The following CSMD3 variants were observed in gnomAD, a reference collection of about 807,000 sequenced individuals.
The protein encoded by CSMD3 is CUB and sushi domain-containing protein 3.
CSMD3 carries 177 observed loss-of-function variants against 435.2 expected under a neutral mutation model. The ratio of observed to expected loss-of-function variants is 0.41; its 90% CI spans 0.36 to 0.46. The LOEUF is 0.46. Among genes scored for constraint, CSMD3 ranks in the 20% least tolerant of loss-of-function variants. The probability of loss-of-function intolerance (pLI) is 0.34; values close to 1 mark genes in which losing one functional copy is unlikely to be tolerated. For missense variants in CSMD3, 4,265 were observed against 4,504.6 expected, an observed-to-expected ratio of 0.95 and a Z score of 1.52; for synonymous variants, 1,656 against 1,520.5, an observed-to-expected ratio of 1.09 and a Z score of -2.07.
chr8:112,459,501 T>C (rs936447467), intron 32 of CSMD3, among the ~76,000 whole-genome samples: 7 of 152,066 alleles, frequency 4.6e-5, no homozygotes, highest in African/African-American at 2.4e-5. Flanking sequence ...ATTTTAGAGA[T>C]TGGAAAAGTG....
intron 1 of CSMD3, among the ~76,000 whole-genome samples, chr8:113,367,092 C>G (rs961320617): frequency 1.3e-5 from 2 of 151,768 alleles, no homozygotes; most frequent in Non-Finnish European, 2.9e-5. Context: ...TTACAATATA[C>G]TTCCGGGGAA....
intron 1 of CSMD3, among the ~76,000 whole-genome samples, chr8:113,394,413 A>G (rs2094474444): frequency 6.6e-6 from 1 of 152,240 alleles, no homozygotes; most frequent in African/African-American, 2.4e-5. Flanking sequence ...AATTTAGAAA[A>G]TACCAAGTTT....
At chr8:113,359,055 A>G (rs1053114815) in intron 1 of CSMD3, among the ~76,000 whole-genome samples, 13 of 151,950 alleles carry the variant, frequency 8.6e-5, no homozygotes, top group African/African-American at 3.1e-4. Context: ...GTAAAAAAAA[A>G]ATCTGTGAAT....
At chr8:113,353,123 T>TATC (rs2094200528) in intron 1 of CSMD3, among the ~76,000 whole-genome samples, 1 of 152,124 alleles carries the variant, frequency 6.6e-6, no homozygotes. Flanking sequence ...TTTGTGGCAG[T>TATC]ATCACTTGAC....
chr8:112,932,418 T>C (rs750846933), intron 9 of CSMD3, among the ~76,000 whole-genome samples: 15 of 152,148 alleles, frequency 9.9e-5, no homozygotes, highest in Non-Finnish European at 2.9e-5. Flanking sequence ...AGTAGAAAGA[T>C]AGTATTTTTA....
intron 1 of CSMD3, among the ~76,000 whole-genome samples, chr8:113,358,851 C>T (rs908184912): frequency 2.9e-4 from 44 of 151,800 alleles, no homozygotes; most frequent in African/African-American, 9.9e-4. Context: ...AGAGTAGTAG[C>T]TCTGGATTCA....
At chr8:113,193,919 A>G (rs928109416) in intron 3 of CSMD3, among the ~76,000 whole-genome samples, 2 of 151,454 alleles carry the variant, frequency 1.3e-5, no homozygotes, top group African/African-American at 2.4e-5. Flanking sequence ...AAATGTATTG[A>G]ATATGCCTGC....
rs1278181218 is a variant in CSMD3 at position 112,319,980 on chromosome 8, G to C, written c.7167C>G (p.Ala2389=). The change falls in exon 46 of 71, where the codon GCC becomes GCG. Residue 2389 remains alanine (A), a splice_region_variant and synonymous_variant. Coordinates refer to ENST00000297405, the MANE Select transcript of CSMD3 (RefSeq NM_198123.2). ...TSGFFVLSYH[A]YQLRVCQPPP... ...GAGGTTGGCACACCCTTAGTTGATA[G>C]GCTACAAAAATAAACAAAGTGTTTA... is the stretch of plus-strand genomic sequence containing the variant. 6.2e-7 allele frequency: 1 copy of C among 1,606,698 alleles called. No individual in the cohort carries two copies.
chr8:112,436,922 T>C (rs568087376), intron 32 of CSMD3, among the ~76,000 whole-genome samples: 7 of 152,184 alleles, frequency 4.6e-5, no homozygotes, highest in South Asian at 2.1e-4. Context: ...GTGAATGCCA[T>C]TGTGAGAAGT....
At chr8:113,124,524 T>C (rs913120088) in intron 4 of CSMD3, among the ~76,000 whole-genome samples, 5 of 151,930 alleles carry the variant, frequency 3.3e-5, no homozygotes, top group African/African-American at 9.7e-5. Context: ...ATTTTTATCA[T>C]GAATTTTTAT....
At position 112,902,277 on chromosome 8, in the gene CSMD3, A is replaced by C. The variant is rs1275686621; in HGVS notation, c.1633+19350T>G. On this transcript the variant is annotated intron_variant, in intron 10 of 70. Coordinates refer to ENST00000297405, the MANE Select transcript of CSMD3 (RefSeq NM_198123.2). ...TGTTAAATCCCAGTGTCTGACCCATAGTTATTGTGACTCCCTAGCTTGATA... is the reference window on the plus strand; with the variant it reads ...TGTTAAATCCCAGTGTCTGACCCATCGTTATTGTGACTCCCTAGCTTGATA... Among the ~76,000 whole-genome samples the C allele has an allele frequency of 2.0e-5, 3 of 151,156 alleles. No individual in the cohort carries two copies. The East Asian group carries it at 5.9e-4, about 30-fold the overall frequency.
chr8:112,276,494 C>T (rs1586624802), intron 59 of CSMD3, among the ~76,000 whole-genome samples: 2 of 152,174 alleles, frequency 1.3e-5, no homozygotes, highest in South Asian at 4.1e-4. Flanking sequence ...GGAAAATGTC[C>T]CCAGGGCATA....
At chr8:113,376,626 A>G in intron 1 of CSMD3, 1 of 1,196,820 alleles carries the variant, frequency 8.4e-7, no homozygotes. Flanking sequence ...AAGAAAGTTT[A>G]CCACTCTCTC....
chr8:112,658,195 A>G (rs1371513066), intron 17 of CSMD3, among the ~76,000 whole-genome samples: 3 of 152,178 alleles, frequency 2.0e-5, no homozygotes, highest in African/African-American at 7.2e-5. Flanking sequence ...GTACACTTTA[A>G]AAAATAATTT....
chr8:113,151,832 T>C (rs1314641468), intron 4 of CSMD3, among the ~76,000 whole-genome samples: 1 of 152,046 alleles, frequency 6.6e-6, no homozygotes, highest in African/African-American at 2.4e-5. Flanking sequence ...CTGACACATA[T>C]TAGAAGTTTT....
intron 11 of CSMD3, among the ~76,000 whole-genome samples, chr8:112,844,844 G>A (rs548630772): frequency 2.0e-5 from 3 of 151,868 alleles, no homozygotes; most frequent in South Asian, 2.1e-4. Flanking sequence ...CCTCCCCTAT[G>A]CCGGCCCCAG....
chr8:112,475,123 TTGAA>T (rs1818915548), intron 31 of CSMD3, among the ~76,000 whole-genome samples: 1 of 152,150 alleles, frequency 6.6e-6, no homozygotes, highest in Non-Finnish European at 1.5e-5. Flanking sequence ...TTATAATACT[TTGAA>T]TGAATGTGAC....
At chr8:113,220,784 T>C (rs2092957490) in intron 3 of CSMD3, among the ~76,000 whole-genome samples, 1 of 151,326 alleles carries the variant, frequency 6.6e-6, no homozygotes, top group Non-Finnish European at 1.5e-5. Flanking sequence ...AACTATACAG[T>C]GGGGAAAATT....
intron 3 of CSMD3, among the ~76,000 whole-genome samples, chr8:113,244,589 C>T (rs760188941): frequency 6.6e-6 from 1 of 152,164 alleles, no homozygotes; most frequent in Non-Finnish European, 1.5e-5. Flanking sequence ...GTTGGGATTA[C>T]AGGTGTGAGC....
Sources: gnomAD v4.1 joint callset for allele counts (sites outside exome capture counted in the v4.1 genomes callset) on GRCh38, gnomAD v4.1.1 for gene constraint, MANE v1.5 for transcripts, NCBI Gene and HGNC (gene_info 2026-07-23, HGNC 2026-07-21) for gene names.